Variants in GAS2L3 observed in about 807,000 individuals in gnomAD.
The protein encoded by GAS2L3 is GAS2-like protein 3.
A neutral mutation model predicts 37.0 loss-of-function variants in GAS2L3; 28 were observed. That is an observed-to-expected ratio of 0.76 (90% CI 0.56 to 1.04). The LOEUF is 1.04. GAS2L3 is among the 50% of genes least tolerant of loss of function. GAS2L3 has a pLI of 0.00. For missense variants in GAS2L3, 793 were observed against 817.6 expected (o/e 0.97, Z 0.37); for synonymous variants, 290 against 296.6 (o/e 0.98, Z 0.23).
chr12:100,593,384 A>G (rs1198475007), intron 2 of GAS2L3, among the ~76,000 whole-genome samples: 1 of 152,142 alleles, frequency 6.6e-6, no homozygotes, highest in African/African-American at 2.4e-5. Context: ...TGATTTTAAA[A>G]ATGTATGTGA....
intron 8 of GAS2L3, 29 bp from the exon 9 acceptor site, chr12:100,622,246 C>A: frequency 8.3e-7 from 1 of 1,202,314 alleles, no homozygotes; most frequent in Non-Finnish European, 1.2e-6. Context: ...TTGTGACAAG[C>A]ACTAAATTTT....
chr12:100,578,666 G>A (rs759231232), intron 1 of GAS2L3: 5 of 306,094 alleles, frequency 1.6e-5, no homozygotes, highest in Non-Finnish European at 3.0e-5. Context: ...GACACAGGTG[G>A]CCATGGAACT....
At chr12:100,588,878 TG>T (rs1955812447) in intron 1 of GAS2L3, among the ~76,000 whole-genome samples, 1 of 152,224 alleles carries the variant, frequency 6.6e-6, no homozygotes, top group Non-Finnish European at 1.5e-5. Context: ...TCTTTTTGCC[TG>T]ACCCCACGGG....
intron 1 of GAS2L3, among the ~76,000 whole-genome samples, chr12:100,583,836 C>G (rs950415661): frequency 6.6e-6 from 1 of 152,014 alleles, no homozygotes; most frequent in Non-Finnish European, 1.5e-5. Context: ...GCACCTTGAC[C>G]GTAATCACTG....
At chr12:100,623,180 T>A (rs1565814774) in intron 9 of GAS2L3, among the ~76,000 whole-genome samples, 1 of 152,184 alleles carries the variant, frequency 6.6e-6, no homozygotes, top group Non-Finnish European at 1.5e-5. Flanking sequence ...GATGTAGTAG[T>A]GCACAGAGCA....
chr12:100,621,789 CAT>C (rs2136581808), intron 8 of GAS2L3, among the ~76,000 whole-genome samples: 1 of 145,534 alleles, frequency 6.9e-6, no homozygotes, highest in African/African-American at 2.5e-5. Flanking sequence ...ATAACGAACT[CAT>C]ATGTTTCCTA....
intron 6 of GAS2L3, among the ~76,000 whole-genome samples, chr12:100,617,488 A>G (rs1956202160): frequency 6.6e-6 from 1 of 152,118 alleles, no homozygotes; most frequent in Non-Finnish European, 1.5e-5. Context: ...TAAGCCCTCA[A>G]TTTTTTAGAC....
chr12:100,579,615 C>T (rs1955684023), intron 1 of GAS2L3: 3 of 775,618 alleles, frequency 3.9e-6, no homozygotes, highest in Admixed American at 1.7e-5. Context: ...AGCTTTAGAA[C>T]ACAAGAATGT....
chr12:100,599,347 C>T (rs1955954777), intron 3 of GAS2L3, among the ~76,000 whole-genome samples: 1 of 152,148 alleles, frequency 6.6e-6, no homozygotes, highest in Non-Finnish European at 1.5e-5. Flanking sequence ...TCGATTATAA[C>T]ATCTATAAAA....
intron 2 of GAS2L3, 121 bp downstream of exon 2, chr12:100,591,977 C>CT (rs1425474626): frequency 6.6e-6 from 1 of 151,992 alleles, no homozygotes; most frequent in Admixed American, 6.6e-5. Context: ...AGCTAAGAAA[C>CT]TTTTTTTCTG....
intron 1 of GAS2L3, among the ~76,000 whole-genome samples, chr12:100,591,128 A>G (rs1292762196): frequency 6.6e-6 from 1 of 152,178 alleles, no homozygotes; most frequent in African/African-American, 2.4e-5. Context: ...TCATTTAGGT[A>G]TTTGCTATTT....
intron 6 of GAS2L3, 113 bp downstream of exon 6, chr12:100,612,254 TAGAAAA>T (rs1368841365): frequency 1.3e-6 from 1 of 789,668 alleles, no homozygotes; most frequent in Non-Finnish European, 2.1e-6. Context: ...CTCATTTTCC[TAGAAAA>T]ATGTATACTT....
intron 3 of GAS2L3, among the ~76,000 whole-genome samples, chr12:100,599,149 T>C (rs1463340562): frequency 6.6e-6 from 1 of 152,182 alleles, no homozygotes; most frequent in Non-Finnish European, 1.5e-5. Context: ...CCTATGCGTT[T>C]CTCTTAGGCT....
At chr12:100,575,040 T>A (rs1955618138) in intron 1 of GAS2L3, among the ~76,000 whole-genome samples, 1 of 152,144 alleles carries the variant, frequency 6.6e-6, no homozygotes, top group Non-Finnish European at 1.5e-5. Flanking sequence ...TCAGACTTCA[T>A]TGGATATCTG....
chr12:100,586,349 A>C (rs1295885390), intron 1 of GAS2L3, among the ~76,000 whole-genome samples: 1 of 152,202 alleles, frequency 6.6e-6, no homozygotes, highest in Non-Finnish European at 1.5e-5. Context: ...AGCCTCAGTA[A>C]ATTTAGGAAA....
intron 1 of GAS2L3, chr12:100,579,849 G>T: frequency 1.3e-6 from 1 of 742,846 alleles, no homozygotes; most frequent in Non-Finnish European, 2.5e-6. Context: ...GAAGTCAGGG[G>T]CATTGCTGGC....
intron 6 of GAS2L3, chr12:100,612,533 C>T (rs1237727353): frequency 5.9e-6 from 1 of 170,184 alleles, no homozygotes; most frequent in African/African-American, 2.4e-5. Context: ...CGGTGTTTAG[C>T]TTTACCTTAC....
chr12:100,622,743 C>A (rs1362437102), intron 9 of GAS2L3, among the ~76,000 whole-genome samples: 4 of 30,490 alleles, frequency 1.3e-4, no homozygotes, highest in African/African-American at 2.2e-4. Context: ...GATTGAGTAT[C>A]CATAGTAAAA....
Position 100,617,757 on chromosome 12 carries a change from T to C in GAS2L3, c.459T>C (p.Asp153=), listed in dbSNP as rs146806070. The C allele has an allele frequency of 1.2e-5, 20 of 1,606,350 alleles. No homozygotes were observed. In the African/African-American group the frequency reaches 2.4e-4, roughly 19 times the overall value. ...TATTTTCCACAGTTTTGCACAAAGA[T>C]CCAAGACAGGTGTATCTTTGTCTTC... The part of the protein sequence containing the change: ...FESEGLVLHK[D]PRQVYLCLLE... Residue 153 remains aspartate (D), a synonymous_variant, in exon 7 of 10, where the codon GAT becomes GAC. Coordinates refer to ENST00000547754, the MANE Select transcript of GAS2L3 (RefSeq NM_174942.3).
Sources: gnomAD v4.1 joint callset for allele counts (sites outside exome capture counted in the v4.1 genomes callset) on GRCh38, gnomAD v4.1.1 for gene constraint, MANE v1.5 for transcripts, NCBI Gene and HGNC (gene_info 2026-07-23, HGNC 2026-07-21) for gene names.